The following DSCAML1 variants were observed in gnomAD, a reference collection of about 807,000 sequenced individuals.
DSCAML1 encodes the protein cell adhesion molecule DSCAML1.
Under a neutral mutation model 200.5 loss-of-function variants are expected in DSCAML1, and 38 were observed. The ratio of observed to expected loss-of-function variants is 0.19; its 90% CI spans 0.15 to 0.25. DSCAML1 has a LOEUF of 0.25. DSCAML1 is among the 10% of genes least tolerant of loss of function. The probability of loss-of-function intolerance (pLI) is 1.00; values close to 1 mark genes in which losing one functional copy is unlikely to be tolerated. For missense variants in DSCAML1, 2,223 were observed against 2,858.8 expected, an observed-to-expected ratio of 0.78 and a Z score of 5.07; for synonymous variants, 1,215 against 1,165.0, an observed-to-expected ratio of 1.04 and a Z score of -0.87.
chr11:117,651,107 C>A (rs2052623303), intron 3 of DSCAML1, among the ~76,000 whole-genome samples: 1 of 152,260 alleles, frequency 6.6e-6, no homozygotes, highest in Non-Finnish European at 1.5e-5. Context: ...TGGGCACAGA[C>A]TAAGGCCCAC....
Position 117,518,901 on chromosome 11 carries a change from G to T in DSCAML1, c.1214-139C>A. On this transcript the variant is annotated intron_variant, in intron 6 of 32. Coordinates refer to ENST00000651296, the MANE Select transcript of DSCAML1 (RefSeq NM_020693.4). The surrounding 1 kb of genome is among the most constrained non-coding windows in gnomAD (Gnocchi z 6.3). Reference sequence around the variant, plus strand: ...AACTTTTGTGTACATCAATTCTTCTGCTATCCGCAACCCCAAGTGGTGCCA... The same window carrying T: ...AACTTTTGTGTACATCAATTCTTCTTCTATCCGCAACCCCAAGTGGTGCCA... 1.1e-6 allele frequency: 1 copy of T among 951,058 alleles called. No individual in the cohort carries two copies. Among genetic ancestry groups the T allele is most frequent in the African/African-American group, 1.7e-5 (1 of 60,488 alleles). 58.9% of individuals were successfully genotyped at this position (951,058 alleles called of 1,614,324 possible). A position where few individuals can be genotyped will look rare whatever the true frequency, so the allele number is the denominator to read the frequency against.
chr11:117,717,886 C>T lies in DSCAML1; in HGVS notation c.511+58905G>A, dbSNP rs1274121059. 5.0e-4 allele frequency among the ~76,000 whole-genome samples: 76 copies of T among 152,164 alleles called. 1 individual carries two copies. The highest frequency in any genetic ancestry group is 2.4e-4 in the Non-Finnish European group (16 of 68,038). ...GAGGCAATGCTGGGATGGGCACAAA[C>T]TGCTTTACCAACCTAGTCCCAGGAG... On this transcript the variant is annotated intron_variant, in intron 3 of 32. Transcript: ENST00000651296.
intron 3 of DSCAML1, among the ~76,000 whole-genome samples, chr11:117,658,003 G>T (rs554733484): frequency 1.1e-4 from 16 of 152,222 alleles, no homozygotes; most frequent in African/African-American, 3.9e-4. Flanking sequence ...ACTGGAGCGG[G>T]GCTTGGTCAC....
chr11:117,785,527 T>G (rs1236012367), intron 1 of DSCAML1, among the ~76,000 whole-genome samples: 1 of 151,690 alleles, frequency 6.6e-6, no homozygotes, highest in Non-Finnish European at 1.5e-5. Flanking sequence ...TTGAGGAGTT[T>G]GGGCCTCAGC....
At chr11:117,743,480 C>G (rs952491356) in intron 3 of DSCAML1, among the ~76,000 whole-genome samples, 1 of 152,212 alleles carries the variant, frequency 6.6e-6, no homozygotes, top group Non-Finnish European at 1.5e-5. Flanking sequence ...TCTGTCCCCC[C>G]AAGCTCCACA....
chr11:117,696,697 T>A (rs982551263), intron 3 of DSCAML1, among the ~76,000 whole-genome samples: 2 of 152,124 alleles, frequency 1.3e-5, no homozygotes, highest in African/African-American at 4.8e-5. Flanking sequence ...GGGTGCCTGA[T>A]ACAGTGGAGA....
At chr11:117,467,561 CTG>C (rs1405980916) in intron 16 of DSCAML1, among the ~76,000 whole-genome samples, 3 of 152,098 alleles carry the variant, frequency 2.0e-5, no homozygotes, top group Non-Finnish European at 4.4e-5. Flanking sequence ...TTTAAGCTCA[CTG>C]TTAATAAAAT....
intron 4 of DSCAML1, among the ~76,000 whole-genome samples, chr11:117,528,445 G>T (rs769702213): frequency 5.3e-5 from 8 of 152,220 alleles, no homozygotes; most frequent in African/African-American, 1.4e-4. Flanking sequence ...AGCCCGGGGG[G>T]ACTGGGTGCT....
chr11:117,789,903 G>A (rs755042297), intron 1 of DSCAML1, among the ~76,000 whole-genome samples: 7 of 152,214 alleles, frequency 4.6e-5, no homozygotes, highest in African/African-American at 7.2e-5. Flanking sequence ...GGAAGTGCTA[G>A]TGAAGACAGA....
intron 3 of DSCAML1, among the ~76,000 whole-genome samples, chr11:117,649,314 G>A (rs1040737147): frequency 5.3e-5 from 8 of 152,166 alleles, no homozygotes; most frequent in African/African-American, 1.4e-4. Context: ...CTGACCTCAG[G>A]TGATCTGCCC....
intron 3 of DSCAML1, among the ~76,000 whole-genome samples, chr11:117,565,936 T>C (rs1362251943): frequency 1.3e-5 from 2 of 152,198 alleles, no homozygotes; most frequent in Admixed American, 1.3e-4. Context: ...AGATATCTCT[T>C]GGACAACTGT....
chr11:117,780,161 A>G lies in DSCAML1; in HGVS notation c.364+332T>C, dbSNP rs139934868. On this transcript the variant is annotated intron_variant, in intron 2 of 32. Coordinates refer to ENST00000651296, the MANE Select transcript of DSCAML1 (RefSeq NM_020693.4). The surrounding 1 kb of genome is among the most constrained non-coding windows in gnomAD (Gnocchi z 4.8). ...AAAGAAAGAGAGAGAGAGAGAGAGA[A>G]AGAAAGAAAGAAAAAAAGAAAAAAA... 0.034 allele frequency among the ~76,000 whole-genome samples: 4,721 copies of G among 138,416 alleles called. 152 individuals are homozygous for G. Among genetic ancestry groups the G allele is most frequent in the East Asian group, 0.1 (478 of 4,770 alleles). 90.8% of individuals were successfully genotyped at this position (138,416 alleles called of 152,430 possible).
intron 3 of DSCAML1, among the ~76,000 whole-genome samples, chr11:117,629,831 T>A (rs1160323178): frequency 6.6e-6 from 1 of 151,954 alleles, no homozygotes; most frequent in Admixed American, 6.6e-5. Flanking sequence ...ACCCCATCGC[T>A]ACAAAAAATA....
rs575022292 is a variant in DSCAML1, at chr11:117,700,524, A to G, written c.511+76267T>C. On this transcript the variant is annotated intron_variant, in intron 3 of 32. Coordinates refer to ENST00000651296, the MANE Select transcript of DSCAML1 (RefSeq NM_020693.4). Reference sequence around the variant, plus strand: ...GAGAAGCAGGAGCTCCCAGCCAGCCAAAGGCCAGTATTGGGCCAGATGTAG... The same window carrying G: ...GAGAAGCAGGAGCTCCCAGCCAGCCGAAGGCCAGTATTGGGCCAGATGTAG... Among the ~76,000 whole-genome samples, 102 of 152,328 alleles carry G rather than the reference A, an allele frequency of 6.7e-4. 1 individual carries two copies. Among genetic ancestry groups the G allele is most frequent in the Non-Finnish European group, 1.3e-3 (90 of 68,036 alleles).
chr11:117,770,859 G>T (rs2055026021), intron 3 of DSCAML1, among the ~76,000 whole-genome samples: 1 of 152,198 alleles, frequency 6.6e-6, no homozygotes, highest in African/African-American at 2.4e-5. Flanking sequence ...TTTGAAAGAT[G>T]CATAGGCTTC....
intron 3 of DSCAML1, among the ~76,000 whole-genome samples, chr11:117,661,496 A>G (rs2052849883): frequency 6.6e-6 from 1 of 152,226 alleles, no homozygotes; most frequent in African/African-American, 2.4e-5. Flanking sequence ...ACATCAAGTT[A>G]CATTTGCAAG....
chr11:117,639,442 G>A (rs61903814), intron 3 of DSCAML1, among the ~76,000 whole-genome samples: 4 of 145,312 alleles, frequency 2.8e-5, no homozygotes, highest in Non-Finnish European at 6.2e-5. Context: ...CTGGATGGGT[G>A]GGAGGCTGGA....
chr11:117,812,445 C>T (rs986897218), intron 1 of DSCAML1, among the ~76,000 whole-genome samples: 10 of 152,080 alleles, frequency 6.6e-5, no homozygotes, highest in African/African-American at 2.4e-4. Context: ...CTATCCACCC[C>T]ATGGTGCCAA....
upstream of DSCAML1, among the ~76,000 whole-genome samples, chr11:117,797,428 G>A (rs2055605776): frequency 6.6e-6 from 1 of 152,246 alleles, no homozygotes. Flanking sequence ...TGAGAGGCGA[G>A]GGGTCCCTGT....
Sources: allele counts gnomAD v4.1 joint callset (sites outside exome capture counted in the v4.1 genomes callset), GRCh38; gene constraint gnomAD v4.1.1; non-coding constraint Gnocchi (gnomAD v3.1); transcripts MANE v1.5; gene names NCBI Gene and HGNC (gene_info 2026-07-23, HGNC 2026-07-21).